The following ELL3 variants were observed in gnomAD, a reference collection of about 807,000 sequenced individuals.
The protein encoded by ELL3 is elongation factor for RNA polymerase II 3, also known as RNA polymerase II elongation factor ELL3.
ELL3 carries 48 observed loss-of-function variants against 58.5 expected under a neutral mutation model. The ratio of observed to expected loss-of-function variants is 0.82; its 90% CI spans 0.65 to 1.04. The LOEUF is 1.04. Among genes scored for constraint, ELL3 ranks in the 50% least tolerant of loss-of-function variants. ELL3 has a pLI of 0.00. For synonymous variants in ELL3, 174 were observed against 173.2 expected (o/e 1.00, Z -0.04); for missense variants, 458 against 478.4 (o/e 0.96, Z 0.40).
Position 43,772,887 on chromosome 15 carries a change from C to T in ELL3, c.*229G>A, listed in dbSNP as rs1317828523. On this transcript the variant is annotated 3_prime_UTR_variant, in exon 11 of 11. Transcript: ENST00000319359. ...AAAGGTAAAAAAGCCAAGCCTCTGT[C>T]ACTTTTCCTAGACTCCTAGGCACAG... 2.7e-6 allele frequency: 1 copy of T among 374,994 alleles called. No homozygotes were observed. Among genetic ancestry groups the T allele is most frequent in the Admixed American group, 4.4e-5 (1 of 22,528 alleles). 23.2% of individuals were successfully genotyped at this position (374,994 alleles called of 1,614,324 possible). A position where few individuals can be genotyped will look rare whatever the true frequency, so the allele number is the denominator to read the frequency against.
chr15:43,774,685 G>A lies in ELL3; in HGVS notation c.734C>T (p.Thr245Ile). 3 of 1,614,022 alleles carry A rather than the reference G, an allele frequency of 1.9e-6. No individual in the cohort carries two copies. The highest frequency in any genetic ancestry group is 2.5e-6 in the Non-Finnish European group (3 of 1,180,006). ...PLVPSPLQGL[T>I]NQDLQEGEDW... Reference sequence around the variant, plus strand: ...TTCTCCCTCTTGTAAATCCTGATTGGTCAGGCCTTGTAGGGGGCTTGGCAC... The same window carrying A: ...TTCTCCCTCTTGTAAATCCTGATTGATCAGGCCTTGTAGGGGGCTTGGCAC... Residue 245 changes from threonine (T) to isoleucine (I), a missense_variant, in exon 7 of 11, where the codon ACC becomes ATC. Physicochemically the swap from Thr to Ile is moderately conservative, Grantham distance 89. Transcript: ENST00000319359.
chr15:43,775,971 C>G, intron 3 of ELL3, 48 bp from the exon 4 acceptor site: 1 of 1,610,540 alleles, frequency 6.2e-7, no homozygotes, highest in Non-Finnish European at 8.5e-7. Flanking sequence ...ACCTCTTAAG[C>G]ACCTCTCCAC....
chr15:43,776,137 T>C lies in ELL3; in HGVS notation c.183A>G (p.Pro61=), dbSNP rs2086914597. ...AGAAGAGGCAGGACCAACCAGGGCC[T>C]GGGAGTCTCAGATACTGGGGGTGGA... ...FQGHRGYLRL[P]GPGWSCLFSF... Residue 61 remains proline (P), a synonymous_variant, in exon 3 of 11, where the codon CCA becomes CCG. Coordinates refer to ENST00000319359, the MANE Select transcript of ELL3 (RefSeq NM_025165.3). The C allele has an allele frequency of 1.9e-6, 3 of 1,613,988 alleles. No individual in the cohort carries two copies. In the African/African-American group the frequency reaches 4.0e-5, roughly 22 times the overall value.
Position 43,773,333 on chromosome 15 carries a change from T to A in ELL3, c.1054A>T (p.Ile352Leu). The A allele has an allele frequency of 1.2e-6, 2 of 1,614,194 alleles. No homozygotes were observed. Among genetic ancestry groups the A allele is most frequent in the Non-Finnish European group, 1.7e-6 (2 of 1,180,030 alleles). ...CTGAACTTTTTATATTCCTGGATTA[T>A]CTTGTCTTCCAGGACCTGAAACAGA... ...TPEYKVLEDK[I>L]IQEYKKFRKQ... Residue 352 changes from isoleucine (I) to leucine (L), a missense_variant, in exon 10 of 11, where the codon ATA becomes TTA. Physicochemically the swap from Ile to Leu is conservative, Grantham distance 5. Transcript: ENST00000319359.
intron 9 of ELL3, among the ~76,000 whole-genome samples, 183 bp downstream of exon 9, chr15:43,773,999 C>A (rs552711325): frequency 6.6e-6 from 1 of 151,964 alleles, no homozygotes; most frequent in South Asian, 2.1e-4. Flanking sequence ...TAGACTGTCC[C>A]CCCAAAAAAA....
rs749448485 is a variant in ELL3 at position 43,774,661 on chromosome 15, T to G, written c.758A>C (p.Glu253Ala). ...GLTNQDLQEG[E>A]DWEQEDEDMD... ...GTCCTCATCTTCTTGCTCCCAATCT[T>G]CTCCCTCTTGTAAATCCTGATTGGT... is the stretch of plus-strand genomic sequence containing the variant. The change falls in exon 7 of 11, where the codon GAA (glutamate) becomes GCA (alanine). Residue 253 changes from glutamate to alanine, a missense_variant. Glu to Ala is a moderately radical substitution (Grantham distance 107). Transcript: ENST00000319359. 1.2e-6 allele frequency: 2 copies of G among 1,614,110 alleles called. No homozygotes were observed. The highest frequency in any genetic ancestry group is 2.2e-5 in the South Asian group (2 of 91,076).
At chr15:43,773,562 G>A (rs2086894105) in intron 9 of ELL3, among the ~76,000 whole-genome samples, 3 of 151,910 alleles carry the variant, frequency 2.0e-5, no homozygotes, top group Non-Finnish European at 2.9e-5. Flanking sequence ...GCAGGCGCTT[G>A]TAGTCTCAGC....
Position 43,775,813 on chromosome 15 carries a change from G to A in ELL3, c.392C>T (p.Thr131Ile). The A allele has an allele frequency of 6.2e-7, 1 of 1,614,190 alleles. No homozygotes were observed. The highest frequency in any genetic ancestry group is 1.1e-5 in the South Asian group (1 of 91,082). Residue 131 changes from threonine (T) to isoleucine (I), a missense_variant, in exon 4 of 11, where the codon ACT becomes ATT. Physicochemically the swap from Thr to Ile is moderately conservative, Grantham distance 89. Coordinates refer to ENST00000319359, the MANE Select transcript of ELL3 (RefSeq NM_025165.3). ...APSSVQGHNL[T>I]EDARHPESWQ... is the part of the protein sequence containing the mutation. ...ACTCTCAGGATGTCTGGCATCTTCA[G>A]TCAGGTTGTGTCCCTGAACTGATGA...
In ELL3 at chr15:43,772,995, T is replaced by G. The variant is rs1459616354; in HGVS notation, c.*121A>C. The stretch of plus-strand genomic sequence containing the variant: ...CAAGAACCTAGAGCAGCTCTCTACT[T>G]GCCACCATGGACTCCAGTGGTCAGC... On this transcript the variant is annotated 3_prime_UTR_variant, in exon 11 of 11. Transcript: ENST00000319359. 1 of 941,102 alleles carries G rather than the reference T, an allele frequency of 1.1e-6. No individual in the cohort carries two copies. The highest frequency in any genetic ancestry group is 1.6e-6 in the Non-Finnish European group (1 of 620,088). 58.3% of individuals were successfully genotyped at this position (941,102 alleles called of 1,614,324 possible).
rs2086900857 is a variant in ELL3 at position 43,774,582 on chromosome 15, T to C, written c.823+14A>G. ...TTTTCCACTGGCATTTTTACCCTCCTCTCATTAACTCACCTTCTTGAACTG... is the reference window on the plus strand; with the variant it reads ...TTTTCCACTGGCATTTTTACCCTCCCCTCATTAACTCACCTTCTTGAACTG... On this transcript the variant is annotated intron_variant, in intron 7 of 10. Transcript: ENST00000319359. 1 of 1,613,934 alleles carries C rather than the reference T, an allele frequency of 6.2e-7. No individual in the cohort carries two copies. The highest frequency in any genetic ancestry group is 1.3e-5 in the African/African-American group (1 of 75,030).
At chr15:43,773,373 A>G in intron 9 of ELL3, 25 bp from the exon 10 acceptor site, 1 of 1,613,706 alleles carries the variant, frequency 6.2e-7, no homozygotes, top group South Asian at 1.1e-5. Context: ...ACTAGCACTG[A>G]GTTCAACATT....
chr15:43,773,404 C>A, intron 9 of ELL3, 56 bp from the exon 10 acceptor site: 1 of 1,599,968 alleles, frequency 6.3e-7, no homozygotes, highest in Non-Finnish European at 8.5e-7. Flanking sequence ...AGAGGGGCGG[C>A]CAGGCATGGT....
chr15:43,774,201 C>T lies in ELL3; in HGVS notation c.1019G>A (p.Arg340Gln), dbSNP rs766111308. 8.5e-5 allele frequency: 137 copies of T among 1,614,018 alleles called. 2 individuals carry two copies. The highest frequency in any genetic ancestry group is 5.1e-5 in the Non-Finnish European group (60 of 1,180,036). Residue 340 changes from arginine (R) to glutamine (Q), a missense_variant, in exon 9 of 11, where the codon CGA becomes CAA. Transcript: ENST00000319359. ...ELGAEIKRVRRGTPEYKVLED... is the reference protein window; with the variant it reads ...ELGAEIKRVRQGTPEYKVLED... ...CCTTACCTTGTATTCTGGAGTTCCT[C>T]GCCGAACTCTTTTAATCTCTGCTCC...
At position 43,772,998 on chromosome 15, in the gene ELL3, C is replaced by T; in HGVS notation, c.*118G>A. On this transcript the variant is annotated 3_prime_UTR_variant, in exon 11 of 11. Transcript: ENST00000319359. ...GAACCTAGAGCAGCTCTCTACTTGCCACCATGGACTCCAGTGGTCAGCATA... is the reference window on the plus strand; with the variant it reads ...GAACCTAGAGCAGCTCTCTACTTGCTACCATGGACTCCAGTGGTCAGCATA... 1.0e-6 allele frequency: 1 copy of T among 966,570 alleles called. No individual in the cohort carries two copies. The allele number at this position is 966,570 out of a possible 1,614,324, so 59.9% of individuals were successfully genotyped here.
chr15:43,772,899 A>T lies in ELL3; in HGVS notation c.*217T>A. On this transcript the variant is annotated 3_prime_UTR_variant, in exon 11 of 11. Coordinates refer to ENST00000319359, the MANE Select transcript of ELL3 (RefSeq NM_025165.3). ...GCCAAGCCTCTGTCACTTTTCCTAG[A>T]CTCCTAGGCACAGCTATGGAGTCTT... is the stretch of plus-strand genomic sequence containing the variant. 2.6e-6 allele frequency: 1 copy of T among 387,496 alleles called. No individual in the cohort carries two copies. The highest frequency in any genetic ancestry group is 4.5e-6 in the Non-Finnish European group (1 of 220,284). The allele number at this position is 387,496 out of a possible 1,614,324, so 24.0% of individuals were successfully genotyped here. A position where few individuals can be genotyped will look rare whatever the true frequency, so the allele number is the denominator to read the frequency against.
intron 2 of ELL3, 170 bp downstream of exon 2, chr15:43,776,339 C>T: frequency 4.9e-6 from 6 of 1,212,366 alleles, no homozygotes; most frequent in Non-Finnish European, 7.1e-6. Flanking sequence ...AAACCACAGC[C>T]CCCTGGGACA....
At position 43,773,299 on chromosome 15, in the gene ELL3, C is replaced by G. The variant is rs2086892362; in HGVS notation, c.1083+5G>C. On this transcript the variant is annotated splice_donor_5th_base_variant and intron_variant, in intron 10 of 10. Transcript: ENST00000319359. ...CCTTGCTTCCGTTCCCAGACCTTGT[C>G]TTACCTTCCTGAACTTTTTATATTC... 6.2e-7 allele frequency: 1 copy of G among 1,614,190 alleles called. No homozygotes were observed.
At chr15:43,773,390 T>C (rs200240823) in intron 9 of ELL3, 42 bp from the exon 10 acceptor site, 5 of 1,611,300 alleles carry the variant, frequency 3.1e-6, no homozygotes, top group Non-Finnish European at 3.4e-6. Context: ...CATTAAGAAA[T>C]GAGAGAGGGG....
intron 2 of ELL3, 68 bp from the exon 3 acceptor site, chr15:43,776,219 C>T (rs747977070): frequency 1.4e-6 from 2 of 1,422,764 alleles, no homozygotes; most frequent in East Asian, 4.6e-5. Flanking sequence ...CGCCACTCGT[C>T]CGGGAGCCAG....
Sources: allele counts gnomAD v4.1 joint callset (sites outside exome capture counted in the v4.1 genomes callset), GRCh38; gene constraint gnomAD v4.1.1; transcripts MANE v1.5; gene names NCBI Gene and HGNC (gene_info 2026-07-23, HGNC 2026-07-21).